Variants in C13orf42 observed in about 807,000 individuals in gnomAD.
C13orf42 encodes the protein chromosome 13 open reading frame 42, also known as uncharacterized protein C13orf42.
At chr13:51,171,058 G>A (rs1367752223) in intron 1 of C13orf42, among the ~76,000 whole-genome samples, 1 of 151,170 alleles carries the variant, frequency 6.6e-6, no homozygotes, top group Non-Finnish European at 1.5e-5. Flanking sequence ...CTGCTTTTCT[G>A]GAGGGCAAGA....
intron 1 of C13orf42, among the ~76,000 whole-genome samples, chr13:51,167,085 A>G (rs1953908292): frequency 6.6e-6 from 1 of 151,916 alleles, no homozygotes; most frequent in South Asian, 2.1e-4. Context: ...TCTCAAAAAA[A>G]AAACAAAAAA....
chr13:51,099,866 A>T lies in C13orf42; in HGVS notation c.414+10930T>A, dbSNP rs1953269193. Among the ~76,000 whole-genome samples the T allele has an allele frequency of 2.0e-5, 3 of 152,198 alleles. No individual in the cohort carries two copies. The South Asian group carries it at 6.2e-4, about 31-fold the overall frequency. The stretch of plus-strand genomic sequence containing the variant: ...CTTGTAACTCCTGGCCTTATATGTC[A>T]TGTAAATGATCATTTGGCTTTAACA... On this transcript the variant is annotated intron_variant, in intron 1 of 3. Coordinates refer to ENST00000563710, the MANE Select transcript of C13orf42 (RefSeq NM_001351589.3).
rs550848034 is a variant in C13orf42, at chr13:51,086,392, G to A, written c.563-833C>T. Among the ~76,000 whole-genome samples, 177 of 151,186 alleles carry A rather than the reference G, an allele frequency of 1.2e-3. 1 individual carries two copies. The highest frequency in any genetic ancestry group is 4.0e-3 in the African/African-American group (166 of 41,264). On this transcript the variant is annotated intron_variant, in intron 2 of 3. Transcript: ENST00000563710. ...CTTGGAAAGTAGCCCAAGATGTATT[G>A]TAAATTGTTAAATGAAAGGACATCC...
At chr13:51,150,342 G>A (rs930227243) in intron 1 of C13orf42, among the ~76,000 whole-genome samples, 1 of 152,130 alleles carries the variant, frequency 6.6e-6, no homozygotes, top group African/African-American at 2.4e-5. Context: ...GTATCCTACT[G>A]GGGCGACTGG....
intron 1 of C13orf42, among the ~76,000 whole-genome samples, chr13:51,091,302 G>A (rs1396543963): frequency 6.6e-6 from 1 of 152,202 alleles, no homozygotes; most frequent in Admixed American, 6.5e-5. Context: ...GTTATTTGTG[G>A]CTGACCCATA....
intron 1 of C13orf42, among the ~76,000 whole-genome samples, chr13:51,130,863 AT>A (rs35431038): frequency 0.3 from 41,909 of 141,848 alleles, 5,976 homozygotes; most frequent in South Asian, 0.4. Context: ...TAAAAAAAAA[AT>A]ATATATATAT....
At chr13:51,092,919 TCTCA>T (rs1300364011) in intron 1 of C13orf42, among the ~76,000 whole-genome samples, 2 of 152,146 alleles carry the variant, frequency 1.3e-5, no homozygotes, top group Non-Finnish European at 2.9e-5. Context: ...TCTATCAACC[TCTCA>T]CTTTTTTTTC....
At chr13:51,122,682 G>C (rs1325202787) in intron 1 of C13orf42, among the ~76,000 whole-genome samples, 1 of 152,136 alleles carries the variant, frequency 6.6e-6, no homozygotes, top group Non-Finnish European at 1.5e-5. Context: ...CCCACTACAA[G>C]TAGATTTGAC....
intron 1 of C13orf42, among the ~76,000 whole-genome samples, chr13:51,162,658 C>G (rs748734385): frequency 6.6e-6 from 1 of 152,114 alleles, no homozygotes; most frequent in Non-Finnish European, 1.5e-5. Flanking sequence ...ATTACTGGTT[C>G]AAAAGAGGAT....
In C13orf42 at chr13:51,140,669, T is replaced by C. The variant is rs1029423146; in HGVS notation, n.137-27447A>G. Among the ~76,000 whole-genome samples, 3 of 152,194 alleles carry C rather than the reference T, an allele frequency of 2.0e-5. No homozygotes were observed. The East Asian group carries it at 5.8e-4, about 29-fold the overall frequency. ...CTGTAAAACTCCTCATTATTATTAT[T>C]ATTTTGGAGTTTTACTTGCTTCCAA... On this transcript the variant is annotated intron_variant and non_coding_transcript_variant, in intron 1 of 4. Coordinates refer to the C13orf42 transcript ENST00000433280.
At chr13:51,170,929 C>T (rs1953944724) in intron 1 of C13orf42, among the ~76,000 whole-genome samples, 1 of 152,098 alleles carries the variant, frequency 6.6e-6, no homozygotes, top group Non-Finnish European at 1.5e-5. Context: ...GGCAAGAAGC[C>T]CCCAGTTGCT....
At chr13:51,119,525 T>G (rs1953516846) in intron 1 of C13orf42, among the ~76,000 whole-genome samples, 1 of 152,058 alleles carries the variant, frequency 6.6e-6, no homozygotes, top group African/African-American at 2.4e-5. Context: ...AACAGATGCA[T>G]AGATAACCAA....
At chr13:51,129,168 G>C (rs1593544942) in intron 1 of C13orf42, among the ~76,000 whole-genome samples, 1 of 152,140 alleles carries the variant, frequency 6.6e-6, no homozygotes, top group South Asian at 2.1e-4. Context: ...AGCTGCTCAG[G>C]GCCAGCCGCA....
intron 2 of C13orf42, among the ~76,000 whole-genome samples, 178 bp from the exon 3 acceptor site, chr13:51,085,737 G>A (rs1164636678): frequency 1.3e-5 from 2 of 152,240 alleles, no homozygotes; most frequent in Admixed American, 1.3e-4. Flanking sequence ...GGAATGCAAT[G>A]GAATATATGT....
At chr13:51,157,906 A>T (rs1953836750) in intron 1 of C13orf42, among the ~76,000 whole-genome samples, 1 of 152,258 alleles carries the variant, frequency 6.6e-6, no homozygotes, top group Non-Finnish European at 1.5e-5. Context: ...AGAGCAAGGA[A>T]AGAGGAAAGA....
At chr13:51,170,639 G>A (rs191432204) in intron 1 of C13orf42, among the ~76,000 whole-genome samples, 5,615 of 152,210 alleles carry the variant, frequency 0.037, 164 homozygotes, top group Non-Finnish European at 0.062. Context: ...CTCCAGCGCC[G>A]GTCACGGGCT....
At chr13:51,167,885 C>T (rs749282576) in intron 1 of C13orf42, among the ~76,000 whole-genome samples, 9 of 152,142 alleles carry the variant, frequency 5.9e-5, no homozygotes, top group Non-Finnish European at 8.8e-5. Context: ...TGCCTTGTGG[C>T]TTTTACCTTT....
At chr13:51,088,898 C>A (rs996627178) in intron 1 of C13orf42, among the ~76,000 whole-genome samples, 1 of 152,110 alleles carries the variant, frequency 6.6e-6, no homozygotes, top group African/African-American at 2.4e-5. Context: ...TCACAACAAT[C>A]CCGTCATGAG....
chr13:51,157,720 G>A (rs1311378161), intron 1 of C13orf42, among the ~76,000 whole-genome samples: 4 of 152,192 alleles, frequency 2.6e-5, no homozygotes, highest in Non-Finnish European at 2.9e-5. Context: ...AGCATGAAGA[G>A]GCAACCAACT....
Sources: allele counts gnomAD v4.1 joint callset (sites outside exome capture counted in the v4.1 genomes callset), GRCh38; gene constraint gnomAD v4.1.1; transcripts MANE v1.5; gene names NCBI Gene and HGNC (gene_info 2026-07-23, HGNC 2026-07-21).